The following RSU1 variants were observed in gnomAD, a reference collection of about 807,000 sequenced individuals.
RSU1 encodes the protein rsu-1.
RSU1 carries 26 observed loss-of-function variants against 31.1 expected under a neutral mutation model. The ratio of observed to expected loss-of-function variants is 0.84; its 90% confidence interval spans 0.61 to 1.16. RSU1 has a LOEUF of 1.16. RSU1 is among the 50% of genes most tolerant of loss of function. The pLI is 0.00. For synonymous variants in RSU1, 164 were observed against 136.3 expected (o/e 1.20, Z -1.41); for missense variants, 320 against 339.1 (o/e 0.94, Z 0.44).
At chr10:16,687,911 G>A (rs866846551) in intron 8 of RSU1, among the ~76,000 whole-genome samples, 2 of 151,758 alleles carry the variant, frequency 1.3e-5, no homozygotes, top group East Asian at 3.9e-4. Context: ...CTGTACAGAC[G>A]AAGTCTCACT....
At chr10:16,794,410 C>T (rs1837984421) in intron 2 of RSU1, among the ~76,000 whole-genome samples, 1 of 152,120 alleles carries the variant, frequency 6.6e-6, no homozygotes, top group Non-Finnish European at 1.5e-5. Flanking sequence ...GACCAGAGTC[C>T]ATTTTGTTTT....
At chr10:16,719,695 A>G (rs1010768169) in intron 7 of RSU1, among the ~76,000 whole-genome samples, 19 of 152,180 alleles carry the variant, frequency 1.2e-4, no homozygotes, top group African/African-American at 4.3e-4. Flanking sequence ...GGCCGCACAG[A>G]CTTGCTCAGT....
intron 2 of RSU1, among the ~76,000 whole-genome samples, chr10:16,804,958 C>A (rs546503881): frequency 6.6e-6 from 1 of 152,202 alleles, no homozygotes; most frequent in African/African-American, 2.4e-5. Context: ...ATACAGTGAA[C>A]CCTGATGTTA....
chr10:16,652,676 A>C, intron 8 of RSU1, among the ~76,000 whole-genome samples: 1 of 152,022 alleles, frequency 6.6e-6, no homozygotes. Context: ...CAAAACTAAA[A>C]ATCTTATTTT....
At chr10:16,681,561 T>TA (rs1323110490) in intron 8 of RSU1, among the ~76,000 whole-genome samples, 1 of 152,108 alleles carries the variant, frequency 6.6e-6, no homozygotes, top group African/African-American at 2.4e-5. Context: ...TAAATTGAAT[T>TA]AAAAAAATAA....
intron 7 of RSU1, among the ~76,000 whole-genome samples, chr10:16,733,612 G>A (rs1836564411): frequency 6.6e-6 from 1 of 152,204 alleles, no homozygotes. Context: ...TGAAGCAACA[G>A]AAAGCTGTAA....
intron 8 of RSU1, among the ~76,000 whole-genome samples, chr10:16,666,997 TC>T (rs1264506270): frequency 6.7e-6 from 1 of 148,284 alleles, no homozygotes; most frequent in African/African-American, 2.5e-5. Flanking sequence ...AGACTCCGCA[TC>T]AAAAAAAACC....
At chr10:16,646,515 T>G (rs1834573579) in intron 8 of RSU1, among the ~76,000 whole-genome samples, 1 of 152,150 alleles carries the variant, frequency 6.6e-6, no homozygotes, top group African/African-American at 2.4e-5. Context: ...CCTTCCACCC[T>G]GATGTTCCCA....
At chr10:16,721,891 A>C (rs1836271463) in intron 7 of RSU1, among the ~76,000 whole-genome samples, 1 of 152,216 alleles carries the variant, frequency 6.6e-6, no homozygotes, top group Non-Finnish European at 1.5e-5. Context: ...CTAAGGGATT[A>C]AAACATCAAT....
At chr10:16,815,071 T>C (rs1838498909) in intron 2 of RSU1, among the ~76,000 whole-genome samples, 1 of 152,248 alleles carries the variant, frequency 6.6e-6, no homozygotes, top group Admixed American at 6.5e-5. Context: ...TATCCCCTTC[T>C]CTTTCTCCTC....
intron 2 of RSU1, among the ~76,000 whole-genome samples, chr10:16,799,899 G>A (rs377669352): frequency 6.6e-6 from 1 of 152,278 alleles, no homozygotes; most frequent in East Asian, 1.9e-4. Flanking sequence ...AAGTGGCACA[G>A]GCTCACTAGA....
chr10:16,816,960 C>T lies in RSU1; in HGVS notation c.109+13G>A. 3.2e-6 allele frequency: 5 copies of T among 1,579,132 alleles called. No homozygotes were observed. Among genetic ancestry groups the T allele is most frequent in the Non-Finnish European group, 4.4e-6 (5 of 1,148,044 alleles). Reference sequence around the variant, plus strand: ...CCAGCTCATCCACGGGAGAGTCCTGCCCGAGAACTCACAGAGGCCGTTGAC... The same window carrying T: ...CCAGCTCATCCACGGGAGAGTCCTGTCCGAGAACTCACAGAGGCCGTTGAC... On this transcript the variant is annotated intron_variant, in intron 2 of 8. Coordinates refer to ENST00000345264, the MANE Select transcript of RSU1 (RefSeq NM_012425.4).
intron 8 of RSU1, among the ~76,000 whole-genome samples, chr10:16,601,169 A>G (rs553122556): frequency 6.6e-6 from 1 of 152,254 alleles, no homozygotes; most frequent in African/African-American, 2.4e-5. Flanking sequence ...TTTGGCTATG[A>G]ATCCCCAAAA....
intron 8 of RSU1, among the ~76,000 whole-genome samples, chr10:16,606,038 T>G (rs1293386012): frequency 6.6e-6 from 1 of 152,102 alleles, no homozygotes; most frequent in Non-Finnish European, 1.5e-5. Flanking sequence ...CAGGCACACC[T>G]TGCCAGCTTG....
chr10:16,720,889 G>A (rs1218874439), intron 7 of RSU1, among the ~76,000 whole-genome samples: 2 of 152,156 alleles, frequency 1.3e-5, no homozygotes, highest in African/African-American at 2.4e-5. Flanking sequence ...GGGAGGCTGA[G>A]GTGGGAGGAT....
At chr10:16,672,720 G>C (rs1835133817) in intron 8 of RSU1, among the ~76,000 whole-genome samples, 1 of 152,106 alleles carries the variant, frequency 6.6e-6, no homozygotes, top group Non-Finnish European at 1.5e-5. Flanking sequence ...GGGGATGGGG[G>C]AAATGAAGGG....
intron 7 of RSU1, among the ~76,000 whole-genome samples, chr10:16,730,642 A>C (rs1032509298): frequency 6.6e-6 from 1 of 152,216 alleles, no homozygotes; most frequent in African/African-American, 2.4e-5. Context: ...GTGCAGCAAA[A>C]GGTTACTTGA....
intron 8 of RSU1, among the ~76,000 whole-genome samples, chr10:16,685,208 C>T (rs1363869529): frequency 6.6e-6 from 1 of 152,200 alleles, no homozygotes; most frequent in African/African-American, 2.4e-5. Flanking sequence ...CGAGATCGCA[C>T]CACCGCACTC....
At chr10:16,815,888 C>G (rs1488913833) in intron 2 of RSU1, among the ~76,000 whole-genome samples, 1 of 152,086 alleles carries the variant, frequency 6.6e-6, no homozygotes, top group Non-Finnish European at 1.5e-5. Flanking sequence ...TGTAAAGGCA[C>G]CAAGATCTGA....
Sources: allele counts gnomAD v4.1 joint callset (sites outside exome capture counted in the v4.1 genomes callset), GRCh38; gene constraint gnomAD v4.1.1; transcripts MANE v1.5; gene names NCBI Gene and HGNC (gene_info 2026-07-23, HGNC 2026-07-21).